The following UBLCP1 variants were observed in gnomAD, a reference collection of about 807,000 sequenced individuals.
The protein encoded by UBLCP1 is ubiquitin like domain containing CTD phosphatase 1.
UBLCP1 carries 28 observed loss-of-function variants against 42.4 expected under a neutral mutation model. The ratio of observed to expected loss-of-function variants is 0.66; its 90% CI spans 0.49 to 0.90. The LOEUF is 0.90. Among genes scored for constraint, UBLCP1 ranks in the 40% least tolerant of loss-of-function variants. The pLI is 0.00. For synonymous variants in UBLCP1, 122 were observed against 120.8 expected (o/e 1.01, Z -0.07); for missense variants, 279 against 374.5 (o/e 0.75, Z 2.10).
At chr5:159,276,145 G>A (rs941638094) in intron 8 of UBLCP1, among the ~76,000 whole-genome samples, 5 of 152,106 alleles carry the variant, frequency 3.3e-5, no homozygotes, top group African/African-American at 1.2e-4. Flanking sequence ...ACTGTTAGCT[G>A]GGCTGGATAA....
chr5:159,275,125 C>G (rs369587015), intron 7 of UBLCP1, 23 bp from the exon 8 acceptor site: 461 of 1,599,542 alleles, frequency 2.9e-4, no homozygotes, highest in Non-Finnish European at 3.8e-4. Context: ...ATGTTTTAAC[C>G]TCACAAATAT....
At chr5:159,271,113 T>C (rs1753460501) in intron 5 of UBLCP1, among the ~76,000 whole-genome samples, 1 of 152,164 alleles carries the variant, frequency 6.6e-6, no homozygotes, top group Admixed American at 6.5e-5. Flanking sequence ...TTATGTTTGA[T>C]ATTTTATCAC....
chr5:159,278,471 A>G (rs1753564847), intron 9 of UBLCP1, 117 bp downstream of exon 9: 2 of 758,886 alleles, frequency 2.6e-6, no homozygotes, highest in East Asian at 5.0e-5. Flanking sequence ...CTTATGTCAT[A>G]GGCGAGAAAA....
intron 8 of UBLCP1, among the ~76,000 whole-genome samples, chr5:159,277,904 A>C (rs182726562): frequency 6.6e-6 from 1 of 152,238 alleles, no homozygotes; most frequent in Non-Finnish European, 1.5e-5. Flanking sequence ...CAAGGAAGTC[A>C]TGTGACTGCA....
intron 8 of UBLCP1, among the ~76,000 whole-genome samples, chr5:159,277,999 T>C (rs1227639315): frequency 6.6e-6 from 1 of 152,228 alleles, no homozygotes; most frequent in African/African-American, 2.4e-5. Flanking sequence ...GTTAAAATTA[T>C]GGAAAGTTTT....
At position 159,275,170 on chromosome 5, in the gene UBLCP1, C is replaced by T. The variant is rs1327272849; in HGVS notation, c.608C>T (p.Ala203Val). The T allele has an allele frequency of 1.9e-6, 3 of 1,613,150 alleles. 1 individual carries two copies. In the South Asian group the frequency reaches 3.3e-5, roughly 18 times the overall value. Reference sequence around the variant, plus strand: ...TAGGAGCTGGGAGTGAGCACAAATGCAAATTATAAGATTACTTTCATGTTG... The same window carrying T: ...TAGGAGCTGGGAGTGAGCACAAATGTAAATTATAAGATTACTTTCATGTTG... ...KMKELGVSTN[A>V]NYKITFMLDS... Residue 203 changes from alanine to valine, a missense_variant, in exon 8 of 11, where the codon GCA becomes GTA. Ala to Val is a moderately conservative substitution (Grantham distance 64). Coordinates refer to ENST00000296786, the MANE Select transcript of UBLCP1 (RefSeq NM_145049.5).
chr5:159,282,137 C>T (rs1753617345), intron 9 of UBLCP1, among the ~76,000 whole-genome samples: 1 of 152,106 alleles, frequency 6.6e-6, no homozygotes, highest in Non-Finnish European at 1.5e-5. Context: ...CTACTTCCCT[C>T]TCCTTAATAT....
At chr5:159,283,368 C>G in intron 10 of UBLCP1, 29 bp downstream of exon 10, 1 of 1,526,526 alleles carries the variant, frequency 6.6e-7, no homozygotes, top group South Asian at 1.3e-5. Flanking sequence ...TTTATTTTCT[C>G]TTTACATCAA....
At chr5:159,267,257 A>T (rs1037518252) in intron 1 of UBLCP1, among the ~76,000 whole-genome samples, 3 of 152,288 alleles carry the variant, frequency 2.0e-5, no homozygotes, top group African/African-American at 7.2e-5. Flanking sequence ...TGGATGTGAG[A>T]TCTGGAGTCA....
chr5:159,280,175 G>A (rs1403209866), intron 9 of UBLCP1, among the ~76,000 whole-genome samples: 1 of 152,138 alleles, frequency 6.6e-6, no homozygotes, highest in Admixed American at 6.5e-5. Flanking sequence ...GGCTGTCCTT[G>A]TGTGTCTTTT....
At chr5:159,265,266 C>T (rs1226074423) in intron 1 of UBLCP1, among the ~76,000 whole-genome samples, 4 of 152,132 alleles carry the variant, frequency 2.6e-5, no homozygotes, top group Admixed American at 6.5e-5. Context: ...AAAATTTAAC[C>T]TCTTTCTTGC....
At chr5:159,275,269 T>A in intron 8 of UBLCP1, 23 bp downstream of exon 8, 1 of 1,569,492 alleles carries the variant, frequency 6.4e-7, no homozygotes, top group Non-Finnish European at 8.7e-7. Context: ...TTTATTTCTA[T>A]TTAATGACAC....
intron 1 of UBLCP1, among the ~76,000 whole-genome samples, chr5:159,265,651 T>G (rs1465238864): frequency 3.3e-5 from 5 of 152,204 alleles, no homozygotes; most frequent in African/African-American, 1.2e-4. Context: ...CGTGCTATTC[T>G]TGTGAATAAG....
chr5:159,273,359 T>C (rs935979096), intron 6 of UBLCP1, among the ~76,000 whole-genome samples: 2 of 152,218 alleles, frequency 1.3e-5, no homozygotes, highest in Admixed American at 1.3e-4. Context: ...TGTGATATTT[T>C]GTGGTAGTTC....
intron 8 of UBLCP1, among the ~76,000 whole-genome samples, chr5:159,276,142 G>C (rs1395938277): frequency 6.6e-6 from 1 of 152,186 alleles, no homozygotes; most frequent in East Asian, 1.9e-4. Context: ...CAAACTGTTA[G>C]CTGGGCTGGA....
At chr5:159,283,439 T>G (rs2113324335) in intron 10 of UBLCP1, 100 bp downstream of exon 10, 1 of 1,013,548 alleles carries the variant, frequency 9.9e-7, no homozygotes, top group East Asian at 2.8e-5. Flanking sequence ...GTCTTAATTT[T>G]TATTTAAAAT....
chr5:159,270,629 A>C lies in UBLCP1; in HGVS notation c.434A>C (p.Asp145Ala). 1 of 1,591,924 alleles carries C rather than the reference A, an allele frequency of 6.3e-7. No individual in the cohort carries two copies. The highest frequency in any genetic ancestry group is 8.5e-7 in the Non-Finnish European group (1 of 1,171,278). The change falls in exon 5 of 11, where the codon GAT becomes GCT. Residue 145 changes from aspartate (D) to alanine (A), a missense_variant. By Grantham distance (126) the Asp-to-Ala change is moderately radical. Coordinates refer to ENST00000296786, the MANE Select transcript of UBLCP1 (RefSeq NM_145049.5). ...AAAAAGCTTTTGGTGCTAGATGTTG[A>C]TTATACATTATTTGGTAAGTCAGTT... ...EGKKLLVLDVDYTLFDHRSCA... is the reference protein window; with the variant it reads ...EGKKLLVLDVAYTLFDHRSCA...
rs1380042229 is a variant in UBLCP1, at chr5:159,268,999, C to G, written c.84C>G (p.Leu28=). 2 of 1,611,476 alleles carry G rather than the reference C, an allele frequency of 1.2e-6. No homozygotes were observed. Among genetic ancestry groups the G allele is most frequent in the South Asian group, 1.1e-5 (1 of 90,396 alleles). Residue 28 remains leucine, a synonymous_variant, in exon 2 of 11, where the codon CTC becomes CTG. Coordinates refer to ENST00000296786, the MANE Select transcript of UBLCP1 (RefSeq NM_145049.5). ...CAGAAGATGATACTGTGCTCGATCTCAAACAGTTTCTCAAGACCCTTACAG... is the reference window on the plus strand; with the variant it reads ...CAGAAGATGATACTGTGCTCGATCTGAAACAGTTTCTCAAGACCCTTACAG... ...TLSEDDTVLD[L]KQFLKTLTGV... is the part of the protein sequence containing the mutation.
rs1753664561 is a variant in UBLCP1 at position 159,285,372 on chromosome 5, C to T, written c.*441C>T. On this transcript the variant is annotated 3_prime_UTR_variant, in exon 11 of 11. Transcript: ENST00000296786. The stretch of plus-strand genomic sequence containing the variant: ...AACCAAACCCATGTTGAAACTAGTA[C>T]TTTTCCCTTTAAAAACAAACCAAAA... 6.6e-6 allele frequency: 1 copy of T among 150,882 alleles called. No individual in the cohort carries two copies. Among genetic ancestry groups the T allele is most frequent in the African/African-American group, 2.4e-5 (1 of 40,846 alleles). 9.3% of individuals were successfully genotyped at this position (150,882 alleles called of 1,614,324 possible). A position where few individuals can be genotyped will look rare whatever the true frequency, so the allele number is the denominator to read the frequency against.
Sources: allele counts gnomAD v4.1 joint callset (sites outside exome capture counted in the v4.1 genomes callset), GRCh38; gene constraint gnomAD v4.1.1; transcripts MANE v1.5; gene names NCBI Gene and HGNC (gene_info 2026-07-23, HGNC 2026-07-21).